MAP1B: variants seen among roughly 807,000 people sequenced by gnomAD.
MAP1B encodes the protein microtubule-associated protein 1B.
MAP1B carries 12 observed loss-of-function variants against 176.1 expected under a neutral mutation model. That is an observed-to-expected ratio of 0.07 (90% CI 0.04 to 0.11). MAP1B has a LOEUF of 0.11. MAP1B is among the 10% of genes least tolerant of loss of function. The pLI, the probability that MAP1B is intolerant of heterozygous loss-of-function variation, is 1.00. For synonymous variants in MAP1B, 1,044 were observed against 1,135.0 expected (o/e 0.92, Z 1.61); for missense variants, 2,523 against 2,990.5 (o/e 0.84, Z 3.65).
chr5:72,170,248 T>C (rs1479786768), intron 2 of MAP1B, among the ~76,000 whole-genome samples: 1 of 152,150 alleles, frequency 6.6e-6, no homozygotes, highest in Non-Finnish European at 1.5e-5. Context: ...CTGCATCCTA[T>C]CCGTCAAAGT....
chr5:72,123,763 C>T (rs1468390128), intron 2 of MAP1B, among the ~76,000 whole-genome samples: 9 of 152,096 alleles, frequency 5.9e-5, no homozygotes, highest in Admixed American at 5.9e-4. Flanking sequence ...GGATTACAGG[C>T]GTGAGCCACC....
intron 2 of MAP1B, among the ~76,000 whole-genome samples, chr5:72,166,452 C>T (rs560628003): frequency 6.6e-6 from 1 of 152,268 alleles, no homozygotes; most frequent in South Asian, 2.1e-4. Flanking sequence ...CAAAATATTC[C>T]GTGTAGTCTA....
intron 2 of MAP1B, among the ~76,000 whole-genome samples, chr5:72,152,938 C>A (rs939913031): frequency 3.9e-5 from 6 of 152,066 alleles, no homozygotes; most frequent in African/African-American, 1.4e-4. Context: ...GAAGCAGCAA[C>A]GCAATTCCAC....
chr5:72,194,714 G>A lies in MAP1B; in HGVS notation c.1359G>A (p.Leu453=). ...GTNKDKAEFI[L]PNGQEVDLPI... ...ACAAAGACAAGGCTGAATTCATTCT[G>A]CCTAATGGTCAAGAAGTAGATCTCC... is the stretch of plus-strand genomic sequence containing the variant. The change falls in exon 5 of 7, where the codon CTG becomes CTA. Residue 453 remains leucine, a synonymous_variant. Transcript: ENST00000296755. This position sits in a 1 kb window ranked among gnomAD's most constrained non-coding sequence, Gnocchi z 7.2. The A allele has an allele frequency of 6.2e-7, 1 of 1,614,188 alleles. No homozygotes were observed. The highest frequency in any genetic ancestry group is 8.5e-7 in the Non-Finnish European group (1 of 1,180,042).
In MAP1B at chr5:72,194,295, G is replaced by A; in HGVS notation, c.940G>A (p.Asp314Asn). Reference protein sequence around the residue: ...VDSILLTHIGDDNLPGINSML... With the variant: ...VDSILLTHIGNDNLPGINSML... The stretch of plus-strand genomic sequence containing the variant: ...CTCCATCCTGCTCACCCACATTGGG[G>A]ATGACAATTTGCCTGGAATAAACAG... The change falls in exon 5 of 7, where the codon GAT becomes AAT. Residue 314 changes from aspartate to asparagine, a missense_variant. This residue lies in a region of MAP1B where 307 missense variants were observed against 438.4 expected (regional missense o/e 0.70). Coordinates refer to ENST00000296755, the MANE Select transcript of MAP1B (RefSeq NM_005909.5). This position sits in a 1 kb window ranked among gnomAD's most constrained non-coding sequence, Gnocchi z 7.2. 6.2e-7 allele frequency: 1 copy of A among 1,614,226 alleles called. No individual in the cohort carries two copies. The highest frequency in any genetic ancestry group is 8.5e-7 in the Non-Finnish European group (1 of 1,180,050).
At chr5:72,131,508 A>C (rs537075723) in intron 2 of MAP1B, among the ~76,000 whole-genome samples, 1 of 152,332 alleles carries the variant, frequency 6.6e-6, no homozygotes, top group South Asian at 2.1e-4. Context: ...TATTTTCATA[A>C]GATATTCTTA....
In MAP1B at chr5:72,203,731, C is replaced by T; in HGVS notation, c.7181C>T (p.Ala2394Val). ...YYVVSGNDPA[A>V]EEPSRAVLDA... Reference sequence around the variant, plus strand: ...GTGGTGAGTGGGAATGACCCTGCTGCTGAGGAGCCCAGCCGGGCTGTCCTG... The same window carrying T: ...GTGGTGAGTGGGAATGACCCTGCTGTTGAGGAGCCCAGCCGGGCTGTCCTG... Residue 2394 changes from alanine (A) to valine (V), a missense_variant, in exon 6 of 7, where the codon GCT becomes GTT. Transcript: ENST00000296755. 6.2e-7 allele frequency: 1 copy of T among 1,613,834 alleles called. No individual in the cohort carries two copies. Among genetic ancestry groups the T allele is most frequent in the Non-Finnish European group, 8.5e-7 (1 of 1,180,006 alleles).
intron 2 of MAP1B, among the ~76,000 whole-genome samples, chr5:72,155,766 CTTTTTTTT>C (rs11330287): frequency 3.2e-5 from 4 of 126,570 alleles, no homozygotes; most frequent in Non-Finnish European, 6.6e-5. Flanking sequence ...ATTTTCTTTT[CTTTTTTTT>C]TTTTTTTTTT....
chr5:72,121,456 T>C (rs1433662104), intron 2 of MAP1B, among the ~76,000 whole-genome samples: 1 of 152,258 alleles, frequency 6.6e-6, no homozygotes, highest in Non-Finnish European at 1.5e-5. Context: ...TGGGCAGTTT[T>C]GTTTTAAGAA....
intron 4 of MAP1B, among the ~76,000 whole-genome samples, chr5:72,190,442 C>T (rs1747002557): frequency 6.6e-6 from 1 of 152,212 alleles, no homozygotes; most frequent in South Asian, 2.1e-4. Flanking sequence ...AGCCACATCT[C>T]CCAATCCTGT....
At chr5:72,180,345 G>T (rs182642562) in intron 2 of MAP1B, among the ~76,000 whole-genome samples, 5 of 152,214 alleles carry the variant, frequency 3.3e-5, no homozygotes, top group Non-Finnish European at 7.4e-5. Flanking sequence ...CTTCTCCTTG[G>T]TCTTAAGCTT....
intron 2 of MAP1B, among the ~76,000 whole-genome samples, chr5:72,118,873 T>C (rs1480776734): frequency 1.3e-5 from 2 of 152,230 alleles, no homozygotes; most frequent in Non-Finnish European, 2.9e-5. Flanking sequence ...TTATGATAGC[T>C]TTTGTTGTTT....
rs70999268 is a variant in MAP1B at position 72,185,608 on chromosome 5, GAAA to G, written c.370-992_370-990del. On this transcript the variant is annotated intron_variant, in intron 3 of 6. Transcript: ENST00000296755. ...AGAGTGAGACCCTGTCTCAAAAGGAGAAAAAAAAAAAAAAAAGCTGGAAAATTA... is the reference window on the plus strand; with the variant it reads ...AGAGTGAGACCCTGTCTCAAAAGGAGAAAAAAAAAAAAAGCTGGAAAATTA... Among the ~76,000 whole-genome samples, 1,045 of 134,958 alleles carry G rather than the reference GAAA, an allele frequency of 7.7e-3. 21 individuals carry two copies. Among genetic ancestry groups the G allele is most frequent in the African/African-American group, 0.027 (973 of 36,090 alleles). The allele number at this position is 134,958 out of a possible 152,430, so 88.5% of individuals were successfully genotyped here.
intron 2 of MAP1B, among the ~76,000 whole-genome samples, chr5:72,127,632 G>A (rs1406898235): frequency 6.6e-6 from 1 of 151,884 alleles, no homozygotes; most frequent in African/African-American, 2.4e-5. Flanking sequence ...AAAAAACCTA[G>A]GTGTGATATT....
intron 2 of MAP1B, among the ~76,000 whole-genome samples, chr5:72,173,991 A>G (rs1310768320): frequency 6.6e-6 from 1 of 152,206 alleles, no homozygotes; most frequent in East Asian, 1.9e-4. Context: ...TTAGCCAGCC[A>G]TGGCGGCCTG....
intron 2 of MAP1B, among the ~76,000 whole-genome samples, chr5:72,159,989 T>C (rs969942343): frequency 6.6e-6 from 1 of 152,188 alleles, no homozygotes; most frequent in East Asian, 1.9e-4. Context: ...TCCAGCGTCT[T>C]GTAGAGCTAA....
chr5:72,121,646 C>T (rs1342314931), intron 2 of MAP1B, among the ~76,000 whole-genome samples: 1 of 152,194 alleles, frequency 6.6e-6, no homozygotes, highest in African/African-American at 2.4e-5. Flanking sequence ...CGGGTTACAA[C>T]TAATATTTAC....
chr5:72,169,775 T>C (rs1746499938), intron 2 of MAP1B, among the ~76,000 whole-genome samples: 1 of 152,186 alleles, frequency 6.6e-6, no homozygotes, highest in Non-Finnish European at 1.5e-5. Flanking sequence ...CAATAGCTCA[T>C]ATAAATACTA....
intron 4 of MAP1B, chr5:72,193,222 CTTCTT>C: frequency 2.6e-6 from 1 of 383,180 alleles, no homozygotes; most frequent in Non-Finnish European, 5.1e-6. Flanking sequence ...CAATCCGTAA[CTTCTT>C]GTCTCCTATG....
Sources: gnomAD v4.1 joint callset for allele counts (sites outside exome capture counted in the v4.1 genomes callset) on GRCh38, gnomAD v4.1.1 for gene constraint, gnomAD v4.1.1 regional missense constraint, Gnocchi (gnomAD v3.1) non-coding constraint, MANE v1.5 for transcripts, NCBI Gene and HGNC (gene_info 2026-07-23, HGNC 2026-07-21) for gene names.